The following AGBL4 variants were observed in gnomAD, a reference collection of about 807,000 sequenced individuals.
The protein encoded by AGBL4 is cytosolic carboxypeptidase 6.
AGBL4 carries 58 observed loss-of-function variants against 66.4 expected under a neutral mutation model. The observed-to-expected ratio is 0.87, with a 90% confidence interval of 0.71 to 1.09. The LOEUF (loss-of-function observed/expected upper bound fraction) is 1.09. AGBL4 is among the 50% of genes least tolerant of loss of function. The pLI, the probability that AGBL4 is intolerant of heterozygous loss-of-function variation, is 0.00. For missense variants in AGBL4, 579 were observed against 631.0 expected (o/e 0.92, Z 0.88); for synonymous variants, 234 against 222.9 (o/e 1.05, Z -0.44).
chr1:49,744,713 A>T lies in AGBL4; in HGVS notation c.158-47276T>A, dbSNP rs1177938100. On this transcript the variant is annotated intron_variant, in intron 2 of 13. Coordinates refer to ENST00000371839, the MANE Select transcript of AGBL4 (RefSeq NM_032785.4). ...TCTGATTTAAAAGATAACTACAAAAAGCAGTAAGTATAAATTTACATTTAT... is the reference window on the plus strand; with the variant it reads ...TCTGATTTAAAAGATAACTACAAAATGCAGTAAGTATAAATTTACATTTAT... Among the ~76,000 whole-genome samples the T allele has an allele frequency of 5.9e-5, 9 of 152,122 alleles. No homozygotes were observed. The East Asian group carries it at 1.3e-3, about 23-fold the overall frequency.
intron 3 of AGBL4, among the ~76,000 whole-genome samples, chr1:49,291,053 T>C (rs1448397360): frequency 2.6e-5 from 4 of 152,166 alleles, no homozygotes; most frequent in Non-Finnish European, 4.4e-5. Context: ...GAGGGTTAAC[T>C]TTTATCTGCA....
At chr1:48,920,934 T>G (rs190557138) in intron 5 of AGBL4, among the ~76,000 whole-genome samples, 17 of 152,352 alleles carry the variant, frequency 1.1e-4, no homozygotes, top group African/African-American at 3.8e-4. Flanking sequence ...TCCCACTGTT[T>G]GCCTGCCAAG....
At chr1:49,514,622 C>G (rs1298505936) in intron 3 of AGBL4, among the ~76,000 whole-genome samples, 1 of 152,034 alleles carries the variant, frequency 6.6e-6, no homozygotes, top group Admixed American at 6.6e-5. Context: ...CATCACGCTA[C>G]CTGACTTCAA....
intron 4 of AGBL4, among the ~76,000 whole-genome samples, chr1:49,192,441 G>C (rs548670692): frequency 9.2e-5 from 14 of 152,202 alleles, no homozygotes; most frequent in African/African-American, 2.9e-4. Context: ...TGGGATTATA[G>C]GCACACGCCA....
chr1:49,209,793 T>C (rs759208983), intron 4 of AGBL4, among the ~76,000 whole-genome samples: 28 of 152,198 alleles, frequency 1.8e-4, no homozygotes, highest in Admixed American at 3.3e-4. Flanking sequence ...ATAATCTGAT[T>C]CATGTTTTGA....
intron 9 of AGBL4, among the ~76,000 whole-genome samples, chr1:48,628,154 A>G (rs1645535589): frequency 1.3e-5 from 2 of 152,358 alleles, no homozygotes; most frequent in South Asian, 2.1e-4. Context: ...TGAATAGGGC[A>G]TGTTTTTGAG....
At chr1:49,130,708 T>C (rs1351055325) in intron 4 of AGBL4, among the ~76,000 whole-genome samples, 7 of 152,128 alleles carry the variant, frequency 4.6e-5, no homozygotes, top group Non-Finnish European at 7.4e-5. Flanking sequence ...GCTGTTTTGG[T>C]TACTGTAGCC....
intron 2 of AGBL4, among the ~76,000 whole-genome samples, chr1:49,714,536 A>T (rs546274646): frequency 1.3e-5 from 2 of 149,030 alleles, no homozygotes; most frequent in South Asian, 4.2e-4. Flanking sequence ...AAAAGACATG[A>T]CTTTACTGTT....
chr1:49,612,880 G>T (rs184203519), intron 3 of AGBL4, among the ~76,000 whole-genome samples: 2 of 152,142 alleles, frequency 1.3e-5, no homozygotes, highest in Admixed American at 6.5e-5. Flanking sequence ...CCCATTGCTG[G>T]GTATAGACCC....
At chr1:48,546,280 C>CTTCA (rs1402146056) in intron 11 of AGBL4, among the ~76,000 whole-genome samples, 1 of 152,208 alleles carries the variant, frequency 6.6e-6, no homozygotes, top group Admixed American at 6.5e-5. Context: ...AGCATACGAA[C>CTTCA]TTCAGTGTCT....
chr1:48,895,033 CG>C (rs1651365257), intron 5 of AGBL4, among the ~76,000 whole-genome samples: 1 of 152,170 alleles, frequency 6.6e-6, no homozygotes, highest in Admixed American at 6.5e-5. Flanking sequence ...ACTTAGCAGA[CG>C]TACCTGGGCA....
At chr1:49,143,871 C>G (rs909388085) in intron 4 of AGBL4, among the ~76,000 whole-genome samples, 2 of 152,196 alleles carry the variant, frequency 1.3e-5, no homozygotes, top group East Asian at 1.9e-4. Context: ...ACCATTTTAT[C>G]TCCATATGCC....
At chr1:48,979,241 G>GT (rs1659565073) in intron 5 of AGBL4, among the ~76,000 whole-genome samples, 1 of 152,040 alleles carries the variant, frequency 6.6e-6, no homozygotes, top group Admixed American at 6.6e-5. Flanking sequence ...TCCTAAAACT[G>GT]TAATTTTTAA....
At chr1:49,064,912 A>G (rs979712176) in intron 4 of AGBL4, among the ~76,000 whole-genome samples, 1 of 152,224 alleles carries the variant, frequency 6.6e-6, no homozygotes, top group Admixed American at 6.5e-5. Flanking sequence ...ACACTTTAGG[A>G]TTCCCAATCT....
chr1:49,127,906 A>G (rs1166861652), intron 4 of AGBL4, among the ~76,000 whole-genome samples: 1 of 152,144 alleles, frequency 6.6e-6, no homozygotes, highest in Non-Finnish European at 1.5e-5. Context: ...ACACACAACA[A>G]TGTAAACTCT....
chr1:48,799,884 G>A (rs1645770495), intron 6 of AGBL4, among the ~76,000 whole-genome samples: 2 of 152,120 alleles, frequency 1.3e-5, no homozygotes, highest in Non-Finnish European at 2.9e-5. Context: ...TTGATATGCT[G>A]TTGGATTCAG....
At chr1:49,661,435 A>C (rs529368722) in intron 3 of AGBL4, among the ~76,000 whole-genome samples, 1 of 152,150 alleles carries the variant, frequency 6.6e-6, no homozygotes, top group African/African-American at 2.4e-5. Context: ...GTGAGATCTC[A>C]CTTTGTGTGT....
chr1:48,957,694 A>G (rs1322016350), intron 5 of AGBL4, among the ~76,000 whole-genome samples: 3 of 152,184 alleles, frequency 2.0e-5, no homozygotes, highest in Non-Finnish European at 4.4e-5. Flanking sequence ...TACTTAAAAT[A>G]CCAAGAGTAC....
At chr1:48,569,421 A>C (rs1644525150) in intron 11 of AGBL4, among the ~76,000 whole-genome samples, 1 of 152,192 alleles carries the variant, frequency 6.6e-6, no homozygotes, top group Non-Finnish European at 1.5e-5. Flanking sequence ...CCAGAGCGGG[A>C]AAATGGAGTT....
Sources: allele counts gnomAD v4.1 joint callset (sites outside exome capture counted in the v4.1 genomes callset), GRCh38; gene constraint gnomAD v4.1.1; transcripts MANE v1.5; gene names NCBI Gene and HGNC (gene_info 2026-07-23, HGNC 2026-07-21).